SYNJ2: variants seen among roughly 807,000 people sequenced by gnomAD.
The protein encoded by SYNJ2 is polyphosphatidylinositol phosphatase SYNJ2.
In SYNJ2, 116 loss-of-function variants were observed where a neutral mutation model predicts 141.3. The observed-to-expected ratio is 0.82, with a 90% CI of 0.71 to 0.96. The LOEUF (loss-of-function observed/expected upper bound fraction) is 0.96. SYNJ2 is among the 40% of genes least tolerant of loss of function. The pLI, the probability that SYNJ2 is intolerant of heterozygous loss-of-function variation, is 0.00. For synonymous variants in SYNJ2, 745 were observed against 777.7 expected (o/e 0.96, Z 0.70); for missense variants, 1,873 against 1,934.8 (o/e 0.97, Z 0.60).
intron 1 of SYNJ2, among the ~76,000 whole-genome samples, chr6:158,005,989 C>T (rs73792876): frequency 0.017 from 2,531 of 152,294 alleles, 67 homozygotes; most frequent in African/African-American, 0.058. Context: ...TTCGGAGCTC[C>T]CTGCTCCTGC....
At chr6:158,083,702 A>G (rs1201625391) in intron 21 of SYNJ2, 105 bp downstream of exon 21, 6 of 1,442,376 alleles carry the variant, frequency 4.2e-6, no homozygotes, top group Non-Finnish European at 5.7e-6. Flanking sequence ...GACGGAGGAC[A>G]CCCGCAGGGC....
intron 5 of SYNJ2, among the ~76,000 whole-genome samples, chr6:158,045,093 GTCC>G (rs1371543964): frequency 5.4e-5 from 8 of 147,786 alleles, no homozygotes; most frequent in Non-Finnish European, 1.2e-4. Context: ...CAGTTCAGGG[GTCC>G]TCCTTTTTTT....
intron 1 of SYNJ2, among the ~76,000 whole-genome samples, chr6:157,999,131 G>T (rs1282191454): frequency 1.3e-5 from 2 of 152,220 alleles, no homozygotes; most frequent in East Asian, 3.9e-4. Flanking sequence ...CAGAGAAATT[G>T]GCAAAGGATA....
intron 15 of SYNJ2, among the ~76,000 whole-genome samples, chr6:158,073,142 A>G (rs574720138): frequency 6.1e-4 from 92 of 152,048 alleles, no homozygotes; most frequent in African/African-American, 2.1e-3. Flanking sequence ...AAGGATTTAT[A>G]ATGTAGTTCT....
chr6:158,085,122 C>T (rs746750922), intron 22 of SYNJ2, among the ~76,000 whole-genome samples: 3 of 151,632 alleles, frequency 2.0e-5, no homozygotes, highest in Admixed American at 6.6e-5. Context: ...CAGGCTCAAG[C>T]GATCCTCCCA....
In SYNJ2 at chr6:158,097,632, G is replaced by C. The variant is rs539530718; in HGVS notation, c.*1268G>C. 1 of 152,298 alleles carries C rather than the reference G, an allele frequency of 6.6e-6. No homozygotes were observed. The highest frequency in any genetic ancestry group is 1.9e-4 in the East Asian group (1 of 5,192). 9.4% of individuals were successfully genotyped at this position (152,298 alleles called of 1,614,324 possible). A position where few individuals can be genotyped will look rare whatever the true frequency, so the allele number is the denominator to read the frequency against. On this transcript the variant is annotated 3_prime_UTR_variant, in exon 27 of 27. Coordinates refer to ENST00000355585, the MANE Select transcript of SYNJ2 (RefSeq NM_003898.4). ...AGTGTCATCCCTTACGTGACTGGGG[G>C]ATGTCTGTCCTAAAAGCTGACTGCT...
chr6:158,001,188 AAC>A (rs928479985), intron 1 of SYNJ2: 2 of 152,144 alleles, frequency 1.3e-5, no homozygotes, highest in East Asian at 1.9e-4. Context: ...GCCGGAGAAA[AAC>A]ACAGCCATCT....
At chr6:158,026,409 G>A (rs1054230788) in intron 2 of SYNJ2, among the ~76,000 whole-genome samples, 6 of 152,154 alleles carry the variant, frequency 3.9e-5, no homozygotes, top group South Asian at 4.1e-4. Flanking sequence ...TGGTAAGGGC[G>A]CCCCTTGCGG....
rs61646630 is a variant in SYNJ2, at chr6:158,098,088, CAG to C, written c.*1727_*1728del. ...CAAGATGCACATCGCTATTAACAGCCAGAGTCATAAATGAAATGAAATTGAAG... is the reference window on the plus strand; with the variant it reads ...CAAGATGCACATCGCTATTAACAGCCAGTCATAAATGAAATGAAATTGAAG... On this transcript the variant is annotated 3_prime_UTR_variant, in exon 27 of 27. Coordinates refer to ENST00000355585, the MANE Select transcript of SYNJ2 (RefSeq NM_003898.4). The C allele has an allele frequency of 0.52, 79,562 of 151,876 alleles. 21,101 individuals carry two copies. The highest frequency in any genetic ancestry group is 0.59 in the African/African-American group (24,398 of 41,410). The allele number at this position is 151,876 out of a possible 1,614,324, so 9.4% of individuals were successfully genotyped here.
At chr6:157,987,122 G>A (rs1010210640) in intron 1 of SYNJ2, among the ~76,000 whole-genome samples, 53 of 152,114 alleles carry the variant, frequency 3.5e-4, no homozygotes, top group African/African-American at 1.2e-3. Context: ...GAGTAGCTGG[G>A]ACTATAGGCG....
intron 1 of SYNJ2, among the ~76,000 whole-genome samples, chr6:157,997,009 C>T (rs1314319073): frequency 3.3e-5 from 5 of 151,046 alleles, no homozygotes; most frequent in African/African-American, 7.3e-5. Context: ...CTGCTGCCTC[C>T]GTCTCCCCAC....
Position 158,009,644 on chromosome 6 carries a change from C to T in SYNJ2, c.128-7560C>T, listed in dbSNP as rs1337161462. On this transcript the variant is annotated intron_variant, in intron 1 of 26. Transcript: ENST00000355585. ...AACTTACAGGAAATGCAACTAAAAG[C>T]GTGGGAGACAGGAAGTCTGTGTATT... 2.0e-5 allele frequency among the ~76,000 whole-genome samples: 3 copies of T among 152,228 alleles called. 1 individual carries two copies. The highest frequency in any genetic ancestry group is 4.1e-4 in the South Asian group (2 of 4,826).
At chr6:158,021,003 T>C (rs1778740017) in intron 2 of SYNJ2, among the ~76,000 whole-genome samples, 1 of 152,224 alleles carries the variant, frequency 6.6e-6, no homozygotes, top group South Asian at 2.1e-4. Flanking sequence ...AGGAAGGGGT[T>C]GGAGCTCCCG....
At chr6:158,067,153 G>A (rs1018964877) in intron 12 of SYNJ2, among the ~76,000 whole-genome samples, 15 of 152,220 alleles carry the variant, frequency 9.9e-5, no homozygotes, top group African/African-American at 3.6e-4. Flanking sequence ...CGAGTAGCTG[G>A]GATTACAGGC....
rs2128338878 is a variant in SYNJ2 at position 158,033,688 on chromosome 6, C to T, written c.711+8C>T. The T allele has an allele frequency of 1.3e-6, 2 of 1,595,306 alleles. No individual in the cohort carries two copies. On this transcript the variant is annotated splice_region_variant and intron_variant, in intron 4 of 26. Coordinates refer to ENST00000355585, the MANE Select transcript of SYNJ2 (RefSeq NM_003898.4). The stretch of plus-strand genomic sequence containing the variant: ...TTCGTGGAGACAGAGCAGGTGAGTG[C>T]CCAGGCCCATCTGTGGCACCAAATG...
chr6:158,067,503 G>A, intron 12 of SYNJ2: 1 of 985,440 alleles, frequency 1.0e-6, no homozygotes, highest in South Asian at 4.7e-5. Context: ...CAGAACTTAG[G>A]ATCTGAAGAA....
At position 158,081,476 on chromosome 6, in the gene SYNJ2, C is replaced by A; in HGVS notation, c.2831C>A (p.Ser944Ter). ...CTGGTAACTTTTGCAGACAGTCACT[C>A]GGCTCTCAGTGTCCTGGACGTGGAC... is the stretch of plus-strand genomic sequence containing the variant. ...QMLVTFADSH[S>*]ALSVLDVDGM... The change falls in exon 20 of 27, where the codon TCG (serine) becomes TAG (stop). Residue 944 changes from serine (S) to a stop codon, truncating the protein, a stop_gained. Coordinates refer to ENST00000355585, the MANE Select transcript of SYNJ2 (RefSeq NM_003898.4). LOFTEE classifies it high-confidence loss of function. 6.2e-7 allele frequency: 1 copy of A among 1,613,960 alleles called. No individual in the cohort carries two copies. Among genetic ancestry groups the A allele is most frequent in the Non-Finnish European group, 8.5e-7 (1 of 1,180,006 alleles).
rs553052823 is a variant in SYNJ2 at position 158,059,221 on chromosome 6, G to A, written c.858-36G>A. The A allele has an allele frequency of 4.5e-5, 69 of 1,517,402 alleles. 1 individual carries two copies. Among genetic ancestry groups the A allele is most frequent in the South Asian group, 1.3e-4 (10 of 77,984 alleles). The allele number at this position is 1,517,402 out of a possible 1,614,324, so 94.0% of individuals were successfully genotyped here. A position where few individuals can be genotyped will look rare whatever the true frequency, so the allele number is the denominator to read the frequency against. On this transcript the variant is annotated intron_variant, in intron 6 of 26. Coordinates refer to ENST00000355585, the MANE Select transcript of SYNJ2 (RefSeq NM_003898.4). Reference sequence around the variant, plus strand: ...CAGGGCAGAGTCTGCACCTGTGCCCGTGCCCAGCATCACGCCCACCCCGCT... The same window carrying A: ...CAGGGCAGAGTCTGCACCTGTGCCCATGCCCAGCATCACGCCCACCCCGCT...
At chr6:158,026,636 C>T (rs913745969) in intron 2 of SYNJ2, among the ~76,000 whole-genome samples, 3 of 152,226 alleles carry the variant, frequency 2.0e-5, no homozygotes, top group Non-Finnish European at 4.4e-5. Context: ...AGGAAATGCA[C>T]CTGGGACTGT....
Sources: gnomAD v4.1 joint callset for allele counts (sites outside exome capture counted in the v4.1 genomes callset) on GRCh38, gnomAD v4.1.1 for gene constraint, MANE v1.5 for transcripts, NCBI Gene and HGNC (gene_info 2026-07-23, HGNC 2026-07-21) for gene names.